The following NOD2 variants were observed in gnomAD, a reference collection of about 807,000 sequenced individuals.
NOD2 encodes nucleotide binding oligomerization domain containing 2.
A neutral mutation model predicts 90.9 loss-of-function variants in NOD2; 86 were observed. The ratio of observed to expected loss-of-function variants is 0.95; its 90% CI spans 0.79 to 1.13. The LOEUF is 1.13. NOD2 is among the 50% of genes most tolerant of loss of function. The pLI is 0.00. For missense variants in NOD2, 1,238 were observed against 1,283.8 expected (o/e 0.96, Z 0.55); for synonymous variants, 581 against 554.6 (o/e 1.05, Z -0.67).
At chr16:50,703,177 C>T (rs1003235964) in intron 2 of NOD2, among the ~76,000 whole-genome samples, 1 of 152,208 alleles carries the variant, frequency 6.6e-6, no homozygotes, top group Admixed American at 6.5e-5. Context: ...GTACCTGGGG[C>T]CTTCTTTAAC....
chr16:50,718,875 C>T (rs1187939650), intron 6 of NOD2, among the ~76,000 whole-genome samples: 1 of 152,114 alleles, frequency 6.6e-6, no homozygotes, highest in East Asian at 1.9e-4. Context: ...AGCAGGGATT[C>T]AATGTGCCAC....
rs1178041797 is a variant in NOD2 at position 50,709,116 on chromosome 16, C to T, written c.565+1156C>T. Among the ~76,000 whole-genome samples, 6 of 151,836 alleles carry T rather than the reference C, an allele frequency of 4.0e-5. No homozygotes were observed. The South Asian group carries it at 1.2e-3, about 32-fold the overall frequency. On this transcript the variant is annotated intron_variant, in intron 3 of 11. Coordinates refer to ENST00000647318, the MANE Select transcript of NOD2 (RefSeq NM_001370466.1). ...GGAAAACCTGCATCAGAAATCAGGT[C>T]GGAAGAGGAAGATATATATCTGATA... is the stretch of plus-strand genomic sequence containing the variant.
At chr16:50,697,450 G>A in intron 1 of NOD2, 4 of 880,680 alleles carry the variant, frequency 4.5e-6, no homozygotes, top group Non-Finnish European at 7.4e-6. Context: ...TGGGGAGAAT[G>A]GGTCGGCGGG....
Position 50,723,817 on chromosome 16 carries a change from A to C in NOD2, c.2801+433A>C, listed in dbSNP as rs1362710059. Among the ~76,000 whole-genome samples, 4 of 152,296 alleles carry C rather than the reference A, an allele frequency of 2.6e-5. No homozygotes were observed. The East Asian group carries it at 5.8e-4, about 22-fold the overall frequency. ...TGAAGACCTTAATATAGTGCCTGGC[A>C]TATTTGTAAGTGCTCCATAAATGTT... On this transcript the variant is annotated intron_variant, in intron 9 of 11. Transcript: ENST00000647318.
At chr16:50,718,589 A>G (rs1293251735) in intron 6 of NOD2, among the ~76,000 whole-genome samples, 2 of 152,224 alleles carry the variant, frequency 1.3e-5, no homozygotes, top group African/African-American at 4.8e-5. Context: ...AATAGAGAGC[A>G]CAGGCTCTGG....
At chr16:50,709,083 T>C (rs934527672) in intron 3 of NOD2, among the ~76,000 whole-genome samples, 1 of 152,210 alleles carries the variant, frequency 6.6e-6, no homozygotes, top group Non-Finnish European at 1.5e-5. Flanking sequence ...GTATCATTGG[T>C]GATGACTGGA....
chr16:50,728,169 G>A (rs572960700), intron 10 of NOD2: 22 of 218,418 alleles, frequency 1.0e-4, no homozygotes, highest in South Asian at 7.5e-4. Flanking sequence ...TGGAATGGTC[G>A]ATGTTGAGTT....
chr16:50,704,635 G>T (rs909750674), intron 2 of NOD2, among the ~76,000 whole-genome samples: 3 of 151,702 alleles, frequency 2.0e-5, no homozygotes, highest in African/African-American at 7.3e-5. Context: ...CTGGGTTTAA[G>T]TGATTCTTCT....
intron 6 of NOD2, among the ~76,000 whole-genome samples, chr16:50,718,061 G>A (rs13332952): frequency 0.59 from 89,967 of 152,122 alleles, 27,443 homozygotes; most frequent in Non-Finnish European, 0.65. Flanking sequence ...AACAATCAAT[G>A]TACTATAATA....
intron 2 of NOD2, among the ~76,000 whole-genome samples, chr16:50,702,848 G>C (rs1296630738): frequency 6.6e-6 from 1 of 152,178 alleles, no homozygotes; most frequent in African/African-American, 2.4e-5. Context: ...TTCCTCCAGA[G>C]CTTGTGCTAT....
chr16:50,707,697 T>C (rs1964261476), intron 2 of NOD2, among the ~76,000 whole-genome samples, 158 bp from the exon 3 acceptor site: 1 of 152,246 alleles, frequency 6.6e-6, no homozygotes, highest in African/African-American at 2.4e-5. Flanking sequence ...TCCAACACTG[T>C]ATTAACTACT....
In NOD2 at chr16:50,732,153, G is replaced by C. The variant is rs1348471325; in HGVS notation, c.*334G>C. On this transcript the variant is annotated 3_prime_UTR_variant, in exon 12 of 12. Transcript: ENST00000647318. Reference sequence around the variant, plus strand: ...TTCCGTGTGGGTCAGTGGGGCCCATGGATGTGCTTGTTAACTGAGTGCCTT... The same window carrying C: ...TTCCGTGTGGGTCAGTGGGGCCCATCGATGTGCTTGTTAACTGAGTGCCTT... 1.5e-5 allele frequency: 6 copies of C among 411,842 alleles called. No individual in the cohort carries two copies. Among genetic ancestry groups the C allele is most frequent in the Non-Finnish European group, 2.8e-5 (6 of 217,470 alleles). The allele number at this position is 411,842 out of a possible 1,614,324, so 25.5% of individuals were successfully genotyped here. A position where few individuals can be genotyped will look rare whatever the true frequency, so the allele number is the denominator to read the frequency against.
chr16:50,698,430 C>T (rs773468123), intron 1 of NOD2, among the ~76,000 whole-genome samples: 22 of 152,318 alleles, frequency 1.4e-4, no homozygotes, highest in Admixed American at 9.1e-4. Flanking sequence ...GGCACCAGAA[C>T]GCTCGGAAAC....
chr16:50,726,751 C>T (rs186204675), intron 10 of NOD2, among the ~76,000 whole-genome samples: 1 of 152,164 alleles, frequency 6.6e-6, no homozygotes, highest in African/African-American at 2.4e-5. Flanking sequence ...ACTATATCAT[C>T]CCCCACAAAA....
intron 10 of NOD2, among the ~76,000 whole-genome samples, chr16:50,725,853 C>T (rs947990251): frequency 1.3e-5 from 2 of 152,140 alleles, no homozygotes; most frequent in African/African-American, 4.8e-5. Context: ...GAAATTGGAG[C>T]TCAGTACTCT....
rs534245804 is a variant in NOD2 at position 50,705,920 on chromosome 16, G to A, written c.460-1935G>A. Reference sequence around the variant, plus strand: ...ACACACACTCCAGTCAGGGGAGAGGGACAATAAGCCAAAGGAAGGAAATTA... The same window carrying A: ...ACACACACTCCAGTCAGGGGAGAGGAACAATAAGCCAAAGGAAGGAAATTA... On this transcript the variant is annotated intron_variant, in intron 2 of 11. Coordinates refer to ENST00000647318, the MANE Select transcript of NOD2 (RefSeq NM_001370466.1). Among the ~76,000 whole-genome samples the A allele has an allele frequency of 6.6e-5, 10 of 152,334 alleles. No homozygotes were observed. In the South Asian group the frequency reaches 2.1e-3, roughly 32 times the overall value.
rs766071199 is a variant in NOD2 at position 50,699,768 on chromosome 16, G to A, written c.273G>A (p.Lys91=). ...QEAQADSQSP[K]LHGCWDPHSL... ...CCCAGGCCGACAGCCAGTCCCCCAA[G>A]CTGCATGGCTGCTGGGACCCCCACT... The change falls in exon 2 of 12, where the codon AAG becomes AAA. Residue 91 remains lysine, a synonymous_variant. Transcript: ENST00000647318. 6.8e-6 allele frequency: 11 copies of A among 1,613,780 alleles called. No individual in the cohort carries two copies. Among genetic ancestry groups the A allele is most frequent in the Admixed American group, 6.7e-5 (4 of 60,004 alleles).
intron 6 of NOD2, among the ~76,000 whole-genome samples, chr16:50,719,429 G>C (rs934284894): frequency 6.6e-6 from 1 of 152,068 alleles, no homozygotes; most frequent in Non-Finnish European, 1.5e-5. Context: ...CCTAGCCTTG[G>C]CCCTCCCTCT....
intron 3 of NOD2, among the ~76,000 whole-genome samples, chr16:50,709,477 G>T (rs1327761465): frequency 6.6e-6 from 1 of 152,172 alleles, no homozygotes; most frequent in Non-Finnish European, 1.5e-5. Flanking sequence ...CACAGGAAAT[G>T]GTTTGCTTGC....
Sources: gnomAD v4.1 joint callset for allele counts (sites outside exome capture counted in the v4.1 genomes callset) on GRCh38, gnomAD v4.1.1 for gene constraint, MANE v1.5 for transcripts, NCBI Gene and HGNC (gene_info 2026-07-23, HGNC 2026-07-21) for gene names.